The following BEND7 variants were observed in gnomAD, a reference collection of about 807,000 sequenced individuals.
BEND7 encodes BEN domain-containing protein 7.
BEND7 carries 28 observed loss-of-function variants against 50.9 expected under a neutral mutation model. The ratio of observed to expected loss-of-function variants is 0.55; its 90% CI spans 0.41 to 0.75. The LOEUF is 0.75. BEND7 is among the 30% of genes least tolerant of loss of function. The pLI, the probability that BEND7 is intolerant of heterozygous loss-of-function variation, is 0.00. For synonymous variants in BEND7, 170 were observed against 183.9 expected (o/e 0.92, Z 0.61); for missense variants, 477 against 491.3 (o/e 0.97, Z 0.28).
downstream of BEND7, chr10:13,439,572 T>C (rs1453713226): frequency 7.0e-6 from 10 of 1,423,056 alleles, no homozygotes; most frequent in East Asian, 2.4e-5. Flanking sequence ...CGTCACACCC[T>C]GTGTCCTTAT....
intron 8 of BEND7, chr10:13,446,574 A>T (rs1836362328): frequency 1.3e-5 from 2 of 152,338 alleles, no homozygotes; most frequent in African/African-American, 4.8e-5. Context: ...ATTGTTTTCC[A>T]CAAGGCTCAT....
At chr10:13,447,110 G>C in intron 8 of BEND7, 156 bp downstream of exon 8, 1 of 723,298 alleles carries the variant, frequency 1.4e-6, no homozygotes, top group Non-Finnish European at 2.4e-6. Flanking sequence ...CTCTGAGTAC[G>C]GGGCCTTGAG....
At chr10:13,507,356 C>T (rs1362315023) in intron 2 of BEND7, among the ~76,000 whole-genome samples, 1 of 152,134 alleles carries the variant, frequency 6.6e-6, no homozygotes, top group Non-Finnish European at 1.5e-5. Context: ...ATGTCACGTT[C>T]GGTGACTTAC....
intron 2 of BEND7, among the ~76,000 whole-genome samples, chr10:13,509,609 C>T (rs1480251096): frequency 2.0e-5 from 3 of 152,196 alleles, no homozygotes; most frequent in African/African-American, 7.2e-5. Flanking sequence ...GATCACTTTA[C>T]CCTGGGAGGA....
intron 2 of BEND7, among the ~76,000 whole-genome samples, chr10:13,519,143 AAT>A (rs758706436): frequency 3.3e-5 from 5 of 152,238 alleles, no homozygotes; most frequent in Non-Finnish European, 7.3e-5. Context: ...AGAAAAGAGT[AAT>A]GTTATTACTT....
chr10:13,482,012 G>C (rs1022005587), intron 5 of BEND7, among the ~76,000 whole-genome samples: 1 of 152,220 alleles, frequency 6.6e-6, no homozygotes, highest in African/African-American at 2.4e-5. Flanking sequence ...CCTTCCAAAT[G>C]AACTGATCTC....
At chr10:13,479,006 CT>C (rs34144594) in intron 6 of BEND7, among the ~76,000 whole-genome samples, 66,398 of 127,568 alleles carry the variant, frequency 0.52, 16,583 homozygotes, top group East Asian at 0.71. Context: ...TTGTAATATA[CT>C]TTTTTTTTTT....
At chr10:13,447,102 C>CT (rs1836510858) in intron 8 of BEND7, 164 bp downstream of exon 8, 1 of 690,704 alleles carries the variant, frequency 1.4e-6, no homozygotes. Flanking sequence ...AAAAACATCT[C>CT]TGAGTACGGG....
At chr10:13,503,058 CTCAGTT>C (rs2077595528) in intron 2 of BEND7, 1 of 356,258 alleles carries the variant, frequency 2.8e-6, no homozygotes, top group Non-Finnish European at 3.9e-6. Context: ...TTGTCATGAC[CTCAGTT>C]TCAGAGTTCC....
chr10:13,509,809 G>A (rs1228490724), intron 2 of BEND7, among the ~76,000 whole-genome samples: 1 of 152,156 alleles, frequency 6.6e-6, no homozygotes, highest in Non-Finnish European at 1.5e-5. Flanking sequence ...AGTCAAAAAC[G>A]AAAGGACCCT....
At chr10:13,496,369 A>C in intron 4 of BEND7, among the ~76,000 whole-genome samples, 1 of 152,324 alleles carries the variant, frequency 6.6e-6, no homozygotes, top group Non-Finnish European at 1.5e-5. Context: ...TGAATAGGAG[A>C]GAGAAAAGCC....
chr10:13,514,197 TACAACCTCCC>T (rs1387499959), intron 2 of BEND7, among the ~76,000 whole-genome samples: 1 of 152,206 alleles, frequency 6.6e-6, no homozygotes, highest in Non-Finnish European at 1.5e-5. Flanking sequence ...TAGTGGGTTC[TACAACCTCCC>T]AGCCTGGCCT....
At chr10:13,477,163 AC>A (rs2075508947) in intron 6 of BEND7, among the ~76,000 whole-genome samples, 1 of 152,114 alleles carries the variant, frequency 6.6e-6, no homozygotes, top group Non-Finnish European at 1.5e-5. Flanking sequence ...TGTTGTTTTA[AC>A]CACTCTAATA....
intron 6 of BEND7, among the ~76,000 whole-genome samples, chr10:13,474,639 G>A (rs191818340): frequency 6.6e-6 from 1 of 151,744 alleles, no homozygotes; most frequent in Admixed American, 6.6e-5. Flanking sequence ...TGTTGGACTC[G>A]GGTCGATACC....
chr10:13,483,337 T>C (rs1220213726), intron 5 of BEND7, among the ~76,000 whole-genome samples: 1 of 152,206 alleles, frequency 6.6e-6, no homozygotes, highest in African/African-American at 2.4e-5. Context: ...GCGCTCATAC[T>C]GTTTCTAAGA....
chr10:13,521,814 T>G (rs1350233444), intron 2 of BEND7, among the ~76,000 whole-genome samples: 2 of 152,162 alleles, frequency 1.3e-5, no homozygotes, highest in Non-Finnish European at 2.9e-5. Context: ...CCTCCTCCAT[T>G]TTACAGACGG....
At chr10:13,464,911 G>A (rs1388204061) in intron 6 of BEND7, among the ~76,000 whole-genome samples, 1 of 152,172 alleles carries the variant, frequency 6.6e-6, no homozygotes, top group African/African-American at 2.4e-5. Context: ...TCAGTAATTT[G>A]CCTTCGGGGA....
At chr10:13,474,963 T>C (rs1030526565) in intron 6 of BEND7, among the ~76,000 whole-genome samples, 1 of 152,264 alleles carries the variant, frequency 6.6e-6, no homozygotes, top group Non-Finnish European at 1.5e-5. Context: ...AAAATGCAGA[T>C]TTCCTAAACC....
At position 13,441,483 on chromosome 10, in the gene BEND7, A is replaced by G; in HGVS notation, c.*260T>C. 1 of 1,310,926 alleles carries G rather than the reference A, an allele frequency of 7.6e-7. No homozygotes were observed. Among genetic ancestry groups the G allele is most frequent in the Non-Finnish European group, 9.7e-7 (1 of 1,029,980 alleles). The allele number at this position is 1,310,926 out of a possible 1,614,324, so 81.2% of individuals were successfully genotyped here. On this transcript the variant is annotated 3_prime_UTR_variant, in exon 9 of 9. Transcript: ENST00000466271. Reference sequence around the variant, plus strand: ...GGTTGAACAAGCTCCACCCGTCCTCAAGTGCTGAACACCCCAAGCTGTGGC... The same window carrying G: ...GGTTGAACAAGCTCCACCCGTCCTCGAGTGCTGAACACCCCAAGCTGTGGC...
Sources: gnomAD v4.1 joint callset for allele counts (sites outside exome capture counted in the v4.1 genomes callset) on GRCh38, gnomAD v4.1.1 for gene constraint, MANE v1.5 for transcripts, NCBI Gene and HGNC (gene_info 2026-07-23, HGNC 2026-07-21) for gene names.